Variants in HEPHL1 observed in about 807,000 individuals in gnomAD.
The protein encoded by HEPHL1 is ferroxidase HEPHL1.
In HEPHL1, 123 loss-of-function variants were observed where a neutral mutation model predicts 122.0. The observed-to-expected ratio is 1.01, with a 90% CI of 0.87 to 1.17. The LOEUF is 1.17. Among genes scored for constraint, HEPHL1 ranks in the 50% most tolerant of loss-of-function variants. The probability of loss-of-function intolerance (pLI) is 0.00; values close to 1 mark genes in which losing one functional copy is unlikely to be tolerated. For missense variants in HEPHL1, 1,452 were observed against 1,430.5 expected (o/e 1.01, Z -0.24); for synonymous variants, 527 against 508.9 (o/e 1.04, Z -0.48).
chr11:94,103,152 A>G (rs528006592), intron 15 of HEPHL1, 132 bp downstream of exon 15: 6 of 625,508 alleles, frequency 9.6e-6, no homozygotes, highest in African/African-American at 7.6e-5. Flanking sequence ...ACTATGGCCC[A>G]TTTACGAAAT....
intron 2 of HEPHL1, among the ~76,000 whole-genome samples, chr11:94,054,708 C>T (rs1018620712): frequency 6.6e-6 from 1 of 152,178 alleles, no homozygotes; most frequent in Non-Finnish European, 1.5e-5. Flanking sequence ...ACACACATTG[C>T]CCTACCTTAG....
chr11:94,048,224 G>A (rs933559529), intron 2 of HEPHL1, among the ~76,000 whole-genome samples: 4 of 152,036 alleles, frequency 2.6e-5, no homozygotes, highest in Non-Finnish European at 5.9e-5. Context: ...TTGTTTATCC[G>A]TTCATCTGTT....
chr11:94,101,407 T>C (rs1448891453), intron 14 of HEPHL1, 72 bp downstream of exon 14: 16 of 1,464,520 alleles, frequency 1.1e-5, no homozygotes, highest in Non-Finnish European at 1.9e-6. Flanking sequence ...GTCTCAGAGG[T>C]GTCTTAAAGA....
chr11:94,030,482 T>C (rs1475818352), intron 1 of HEPHL1, among the ~76,000 whole-genome samples: 1 of 152,158 alleles, frequency 6.6e-6, no homozygotes, highest in Non-Finnish European at 1.5e-5. Flanking sequence ...GGCTCTCACT[T>C]GACCATTCCT....
chr11:94,039,273 G>A (rs1463494010), intron 1 of HEPHL1, among the ~76,000 whole-genome samples: 1 of 148,722 alleles, frequency 6.7e-6, no homozygotes, highest in Non-Finnish European at 1.5e-5. Context: ...TTAATAATGG[G>A]AGACTTTAAC....
At position 94,067,607 on chromosome 11, in the gene HEPHL1, AT is replaced by A. The variant is rs751399244; in HGVS notation, c.923del (p.Phe308SerfsTer28). On this transcript the variant is annotated frameshift_variant, in exon 5 of 20. Coordinates refer to ENST00000315765, the MANE Select transcript of HEPHL1 (RefSeq NM_001098672.2). LOFTEE classifies it high-confidence loss of function. The stretch of plus-strand genomic sequence containing the variant: ...AATGAAATAGACATCCATTCTATCT[AT>A]TTCTATGGTAACACCTTCATCAGCA... ...MGNEIDIHSIYFYGNTFISRG... is the reference protein window; with the variant it reads ...MGNEIDIHSIXFYGNTFISRG... 1.2e-6 allele frequency: 2 copies of A among 1,613,744 alleles called. No homozygotes were observed. The highest frequency in any genetic ancestry group is 2.2e-5 in the South Asian group (2 of 91,076).
rs1414549679 is a variant in HEPHL1, at chr11:94,105,999, G to A, written c.2914G>A (p.Gly972Arg). 1.3e-6 allele frequency: 2 copies of A among 1,571,978 alleles called. No homozygotes were observed. The highest frequency in any genetic ancestry group is 1.7e-6 in the Non-Finnish European group (2 of 1,154,610). Reference protein sequence around the residue: ...EESNRMHAINGKIFGNLHGLI... With the variant: ...EESNRMHAINRKIFGNLHGLI... ...CTTATCACCTTTTAAAGCCATTAAT[G>A]GAAAGATTTTTGGGAATCTCCATGG... Residue 972 changes from glycine (G) to arginine (R), a missense_variant, in exon 17 of 20, where the codon GGA becomes AGA. Gly to Arg is a moderately radical substitution (Grantham distance 125, BLOSUM62 -2). Coordinates refer to ENST00000315765, the MANE Select transcript of HEPHL1 (RefSeq NM_001098672.2).
At chr11:94,110,815 G>T in intron 17 of HEPHL1, 88 bp from the exon 18 acceptor site, 1 of 1,015,086 alleles carries the variant, frequency 9.9e-7, no homozygotes, top group Non-Finnish European at 1.4e-6. Flanking sequence ...GCTTACTGTG[G>T]GTTTTATTTG....
At chr11:94,053,976 T>C (rs1565350020) in intron 2 of HEPHL1, among the ~76,000 whole-genome samples, 1 of 152,228 alleles carries the variant, frequency 6.6e-6, no homozygotes, top group Non-Finnish European at 1.5e-5. Context: ...AATTGGTTCA[T>C]AGTATTGTTC....
intron 1 of HEPHL1, among the ~76,000 whole-genome samples, chr11:94,033,365 T>G (rs1408785167): frequency 6.6e-6 from 1 of 152,136 alleles, no homozygotes; most frequent in Non-Finnish European, 1.5e-5. Context: ...ACAACTCAAG[T>G]GTGTTTTCTC....
At chr11:94,078,446 C>CATATATATATATATATATATAT (rs6144452) in intron 9 of HEPHL1, among the ~76,000 whole-genome samples, 77 of 111,510 alleles carry the variant, frequency 6.9e-4, no homozygotes, top group Admixed American at 1.5e-3. Flanking sequence ...TCAGATGTTC[C>CATATATATATATATATATATAT]ATATATATAT....
intron 5 of HEPHL1, 93 bp downstream of exon 5, chr11:94,067,843 G>C: frequency 8.9e-7 from 1 of 1,121,778 alleles, no homozygotes; most frequent in East Asian, 2.5e-5. Context: ...CTGTTAGATA[G>C]AGCCTTGTAT....
Position 94,073,369 on chromosome 11 carries a change from C to A in HEPHL1, c.1434C>A (p.Asp478Glu). ...TAGTGACCTTTGCCAACAAAGCCGA[C>A]AAGGTCTATAGCATTTTACCCCATG... ...TLLVTFANKA[D>E]KVYSILPHGV... The change falls in exon 8 of 20, where the codon GAC becomes GAA. Residue 478 changes from aspartate to glutamate, a missense_variant. Transcript: ENST00000315765. 1 of 1,588,848 alleles carries A rather than the reference C, an allele frequency of 6.3e-7. No individual in the cohort carries two copies. Among genetic ancestry groups the A allele is most frequent in the Non-Finnish European group, 8.6e-7 (1 of 1,166,562 alleles).
chr11:94,057,372 CCT>C (rs1162172216), intron 2 of HEPHL1, among the ~76,000 whole-genome samples: 4 of 151,950 alleles, frequency 2.6e-5, no homozygotes, highest in Non-Finnish European at 5.9e-5. Context: ...GTTGTTCTCC[CCT>C]CTTTCTGCAG....
Position 94,112,000 on chromosome 11 carries a change from C to G in HEPHL1, c.*106C>G, listed in dbSNP as rs896330509. The G allele has an allele frequency of 2.9e-5, 21 of 734,696 alleles. No homozygotes were observed. The African/African-American group carries it at 3.5e-4, about 12-fold the overall frequency. 45.5% of individuals were successfully genotyped at this position (734,696 alleles called of 1,614,324 possible). On this transcript the variant is annotated 3_prime_UTR_variant, in exon 20 of 20. Transcript: ENST00000315765. ...CATCACTCACCAAGGAAGGTTGACACTGTATCCTGGATCAGCCTTCTGATC... is the reference window on the plus strand; with the variant it reads ...CATCACTCACCAAGGAAGGTTGACAGTGTATCCTGGATCAGCCTTCTGATC...
chr11:94,110,823 T>C, intron 17 of HEPHL1, 80 bp from the exon 18 acceptor site: 1 of 1,151,558 alleles, frequency 8.7e-7, no homozygotes, highest in Non-Finnish European at 1.2e-6. Flanking sequence ...TGGGTTTTAT[T>C]TGTTTTTGCT....
chr11:94,060,488 C>T (rs1945978867), intron 2 of HEPHL1, among the ~76,000 whole-genome samples: 1 of 152,032 alleles, frequency 6.6e-6, no homozygotes, highest in Admixed American at 6.6e-5. Context: ...GATATCATAT[C>T]CTACAAGTCT....
chr11:94,046,090 G>GCTTTTTTTTTT (rs1491072057), intron 2 of HEPHL1, among the ~76,000 whole-genome samples, 173 bp downstream of exon 2: 226 of 6,970 alleles, frequency 0.032, 21 homozygotes, highest in Non-Finnish European at 0.051. Flanking sequence ...TCCCTTTCTT[G>GCTTTTTTTTTT]CTTTTTTTTT....
chr11:94,071,386 G>A (rs979299011), intron 6 of HEPHL1, among the ~76,000 whole-genome samples: 2 of 151,876 alleles, frequency 1.3e-5, no homozygotes, highest in South Asian at 2.1e-4. Context: ...TCTACCAAAC[G>A]GATGCACTTG....
Sources: gnomAD v4.1 joint callset for allele counts (sites outside exome capture counted in the v4.1 genomes callset) on GRCh38, gnomAD v4.1.1 for gene constraint, MANE v1.5 for transcripts, NCBI Gene and HGNC (gene_info 2026-07-23, HGNC 2026-07-21) for gene names.